Variants in DPP10 observed in about 807,000 individuals in gnomAD.
DPP10 encodes the protein inactive dipeptidyl peptidase 10.
Under a neutral mutation model 120.9 loss-of-function variants are expected in DPP10, and 33 were observed. That is an observed-to-expected ratio of 0.27 (90% confidence interval 0.21 to 0.37). The LOEUF is 0.37. DPP10 is among the 10% of genes least tolerant of loss of function. The pLI is 1.00. For synonymous variants in DPP10, 337 were observed against 326.1 expected, an observed-to-expected ratio of 1.03 and a Z score of -0.36; for missense variants, 816 against 942.8, an observed-to-expected ratio of 0.87 and a Z score of 1.76.
intron 1 of DPP10, among the ~76,000 whole-genome samples, chr2:115,041,043 C>T (rs1479132122): frequency 1.3e-5 from 2 of 149,566 alleles, no homozygotes; most frequent in African/African-American, 4.9e-5. Flanking sequence ...CACTTGAACC[C>T]GGGAAGCAGA....
At chr2:115,128,101 A>G (rs1262806563) in intron 1 of DPP10, among the ~76,000 whole-genome samples, 2 of 152,156 alleles carry the variant, frequency 1.3e-5, no homozygotes, top group African/African-American at 2.4e-5. Flanking sequence ...GCATACTTCA[A>G]TCTTCATAGA....
At chr2:114,545,922 T>C (rs1687355901) in intron 1 of DPP10, among the ~76,000 whole-genome samples, 1 of 152,150 alleles carries the variant, frequency 6.6e-6, no homozygotes, top group African/African-American at 2.4e-5. Flanking sequence ...TTTCATTACC[T>C]GGGACATTTG....
chr2:114,525,198 T>C (rs1033607258), intron 1 of DPP10, among the ~76,000 whole-genome samples: 1 of 152,240 alleles, frequency 6.6e-6, no homozygotes, highest in African/African-American at 2.4e-5. Context: ...AAATAGATGT[T>C]AGTGCATTAA....
At chr2:114,648,761 G>T (rs1696332404) in intron 1 of DPP10, among the ~76,000 whole-genome samples, 1 of 152,164 alleles carries the variant, frequency 6.6e-6, no homozygotes, top group African/African-American at 2.4e-5. Flanking sequence ...TCCAGAGTCA[G>T]GTGCACCCAA....
chr2:114,725,992 G>C (rs955107366), intron 1 of DPP10, among the ~76,000 whole-genome samples: 11 of 152,136 alleles, frequency 7.2e-5, no homozygotes, highest in Non-Finnish European at 1.5e-4. Context: ...CAGCACTTTG[G>C]GAGGCCGAGG....
chr2:115,107,161 T>A (rs2048989000), intron 1 of DPP10, among the ~76,000 whole-genome samples: 1 of 151,976 alleles, frequency 6.6e-6, no homozygotes, highest in Admixed American at 6.6e-5. Flanking sequence ...ACGGTATTTT[T>A]AAAAGAGATA....
intron 1 of DPP10, among the ~76,000 whole-genome samples, chr2:114,624,850 C>T (rs572112571): frequency 1.4e-4 from 21 of 152,030 alleles, no homozygotes; most frequent in Non-Finnish European, 2.1e-4. Context: ...CCATCTTCAA[C>T]AGCCATCAAC....
At chr2:115,055,871 TAG>T (rs1489585928) in intron 1 of DPP10, among the ~76,000 whole-genome samples, 2 of 152,312 alleles carry the variant, frequency 1.3e-5, no homozygotes, top group African/African-American at 4.8e-5. Flanking sequence ...ATAAAAAATG[TAG>T]AGTTTTGAAG....
In DPP10 at chr2:114,542,048, C is replaced by CTTTTTT. The variant is rs761961981; in HGVS notation, c.60+99210_60+99211insTTTTTT. ...TACAGTTTTTTTTCTTTCTTTCTTT[C>CTTTTTT]CTTTTTTTTTTTTTTTTGAGATGGA... On this transcript the variant is annotated intron_variant, in intron 1 of 25. Transcript: ENST00000410059. Among the ~76,000 whole-genome samples the CTTTTTT allele has an allele frequency of 3.5e-4, 43 of 122,156 alleles. 10 individuals are homozygous for CTTTTTT. Among genetic ancestry groups the CTTTTTT allele is most frequent in the Non-Finnish European group, 3.2e-4 (19 of 60,172 alleles). The allele number at this position is 122,156 out of a possible 152,430, so 80.1% of individuals were successfully genotyped here.
chr2:114,768,300 A>C (rs952685440), intron 1 of DPP10, among the ~76,000 whole-genome samples: 19 of 152,308 alleles, frequency 1.2e-4, no homozygotes, highest in African/African-American at 4.6e-4. Context: ...AAGGAGAAAA[A>C]TGAGATTCCC....
chr2:115,637,030 A>T (rs1181429757), intron 5 of DPP10, among the ~76,000 whole-genome samples: 1 of 152,200 alleles, frequency 6.6e-6, no homozygotes, highest in Non-Finnish European at 1.5e-5. Flanking sequence ...CCTAGCCAAT[A>T]CACTTTTCCT....
chr2:114,804,684 A>C lies in DPP10; in HGVS notation c.60+361846A>C, dbSNP rs149240098. Reference sequence around the variant, plus strand: ...TTTGGAGAATTTCTCCCATGGAAACAGCTACATTTACCCAATACACATACC... The same window carrying C: ...TTTGGAGAATTTCTCCCATGGAAACCGCTACATTTACCCAATACACATACC... On this transcript the variant is annotated intron_variant, in intron 1 of 25. Transcript: ENST00000410059. 1.5e-3 allele frequency among the ~76,000 whole-genome samples: 225 copies of C among 152,308 alleles called. 1 individual carries two copies. Among genetic ancestry groups the C allele is most frequent in the African/African-American group, 5.1e-3 (211 of 41,558 alleles).
intron 1 of DPP10, among the ~76,000 whole-genome samples, chr2:114,556,278 A>G (rs1194515229): frequency 8.7e-6 from 1 of 115,406 alleles, no homozygotes; most frequent in East Asian, 3.0e-4. Context: ...TAGGCAAATA[A>G]TAGATGATAG....
At chr2:115,352,897 A>G (rs567796136) in intron 3 of DPP10, among the ~76,000 whole-genome samples, 1 of 151,974 alleles carries the variant, frequency 6.6e-6, no homozygotes. Flanking sequence ...CACATGGCAC[A>G]TTTTATTTTT....
chr2:114,442,835 C>T lies in DPP10; in HGVS notation c.57C>T (p.Ile19=). The change falls in exon 1 of 26, where the codon ATC becomes ATT. Residue 19 remains isoleucine (I), a synonymous_variant. Transcript: ENST00000410059. ...TCAAGTGTCAACCCTCAAAAACAAT[C>T]AAGGTAGGATCTGGTTTTTCCCTCT... ...HHIKCQPSKT[I]KELGSNSPPQ... 6.2e-7 allele frequency: 1 copy of T among 1,613,330 alleles called. No individual in the cohort carries two copies. Among genetic ancestry groups the T allele is most frequent in the East Asian group, 2.2e-5 (1 of 44,832 alleles).
intron 21 of DPP10, among the ~76,000 whole-genome samples, chr2:115,820,429 TTC>T (rs1373870629): frequency 6.6e-6 from 1 of 152,024 alleles, no homozygotes; most frequent in Non-Finnish European, 1.5e-5. Flanking sequence ...TGATTTTTTT[TTC>T]TTTTTTTTTT....
chr2:115,776,488 C>T (rs935226484), intron 13 of DPP10, among the ~76,000 whole-genome samples: 6 of 152,018 alleles, frequency 3.9e-5, no homozygotes, highest in Non-Finnish European at 8.8e-5. Flanking sequence ...TGTATATGTG[C>T]CACATTTTCT....
chr2:115,586,129 C>A (rs982640118), intron 5 of DPP10, among the ~76,000 whole-genome samples: 1 of 152,174 alleles, frequency 6.6e-6, no homozygotes, highest in East Asian at 1.9e-4. Flanking sequence ...TCAAGACCAG[C>A]CTGATCAACA....
At chr2:114,602,771 C>T (rs535567374) in intron 1 of DPP10, among the ~76,000 whole-genome samples, 54 of 152,092 alleles carry the variant, frequency 3.6e-4, no homozygotes, top group African/African-American at 1.3e-3. Context: ...TCATAAGTCC[C>T]TATGTGCCTG....
Sources: gnomAD v4.1 joint callset for allele counts (sites outside exome capture counted in the v4.1 genomes callset) on GRCh38, gnomAD v4.1.1 for gene constraint, MANE v1.5 for transcripts, NCBI Gene and HGNC (gene_info 2026-07-23, HGNC 2026-07-21) for gene names.